NETO2: variants seen among roughly 807,000 people sequenced by gnomAD.
NETO2 encodes neuropilin and tolloid-like protein 2.
In NETO2, 28 loss-of-function variants were observed where a neutral mutation model predicts 62.5. The ratio of observed to expected loss-of-function variants is 0.45; its 90% confidence interval spans 0.33 to 0.61. NETO2 has a LOEUF of 0.61. NETO2 is among the 20% of genes least tolerant of loss of function. The pLI, the probability that NETO2 is intolerant of heterozygous loss-of-function variation, is 0.02. For missense variants in NETO2, 548 were observed against 643.2 expected, an observed-to-expected ratio of 0.85 and a Z score of 1.60; for synonymous variants, 214 against 219.1, an observed-to-expected ratio of 0.98 and a Z score of 0.21.
In NETO2 at chr16:47,143,667, C is replaced by T. The variant is rs998114042; in HGVS notation, c.-55G>A. 28 of 1,216,920 alleles carry T rather than the reference C, an allele frequency of 2.3e-5. No individual in the cohort carries two copies. The highest frequency in any genetic ancestry group is 3.3e-5 in the East Asian group (1 of 30,170). 75.4% of individuals were successfully genotyped at this position (1,216,920 alleles called of 1,614,324 possible). ...GGCTGAGGTAGCGGCGGCGGTGGCT[C>T]GGCGCTCACGGCTCGGCGCGGCGGC... On this transcript the variant is annotated 5_prime_UTR_variant, in exon 1 of 9. Coordinates refer to ENST00000562435, the MANE Select transcript of NETO2 (RefSeq NM_018092.5).
chr16:47,113,076 C>T (rs1005480141), intron 6 of NETO2, among the ~76,000 whole-genome samples: 2 of 152,118 alleles, frequency 1.3e-5, no homozygotes, highest in Admixed American at 6.5e-5. Context: ...TCTTTATGCA[C>T]AGGTATGACG....
rs540877562 is a variant in NETO2 at position 47,113,677 on chromosome 16, C to T, written c.655-3966G>A. On this transcript the variant is annotated intron_variant, in intron 6 of 8. Transcript: ENST00000562435. ...TGCAATCTTGGCTCACTGCAACCTC[C>T]GCCTCAAGGATTCAAGCAATTCTCC... 3.7e-4 allele frequency among the ~76,000 whole-genome samples: 55 copies of T among 150,444 alleles called. 1 individual carries two copies. Among genetic ancestry groups the T allele is most frequent in the Non-Finnish European group, 5.9e-4 (40 of 67,700 alleles).
chr16:47,086,628 A>C (rs1272811789), intron 7 of NETO2, among the ~76,000 whole-genome samples: 1 of 152,060 alleles, frequency 6.6e-6, no homozygotes, highest in African/African-American at 2.4e-5. Flanking sequence ...TTTTTTTCCA[A>C]AACTTTGAAA....
intron 4 of NETO2, 122 bp from the exon 5 acceptor site, chr16:47,123,034 C>G (rs1372927835): frequency 3.9e-5 from 34 of 880,266 alleles, no homozygotes; most frequent in Non-Finnish European, 6.0e-5. Flanking sequence ...TTGGTGAAAA[C>G]TACATATCAT....
intron 7 of NETO2, among the ~76,000 whole-genome samples, chr16:47,087,306 G>A (rs1179725163): frequency 1.3e-5 from 2 of 152,140 alleles, no homozygotes; most frequent in Non-Finnish European, 2.9e-5. Context: ...TTACAGGTGT[G>A]AGCCACCGTG....
intron 1 of NETO2, 102 bp downstream of exon 1, chr16:47,143,477 C>T: frequency 8.5e-7 from 1 of 1,179,988 alleles, no homozygotes; most frequent in African/African-American, 1.6e-5. Flanking sequence ...AGAGGCGCGT[C>T]GGGTCCCGGG....
intron 1 of NETO2, among the ~76,000 whole-genome samples, chr16:47,140,965 T>C (rs3105545): frequency 2.0e-5 from 3 of 152,216 alleles, no homozygotes; most frequent in Non-Finnish European, 2.9e-5. Context: ...AATATTTTCA[T>C]GAGACTATAA....
At chr16:47,105,530 G>GAC (rs981905764) in intron 7 of NETO2, among the ~76,000 whole-genome samples, 1 of 151,898 alleles carries the variant, frequency 6.6e-6, no homozygotes, top group African/African-American at 2.4e-5. Context: ...TACCCAAAAG[G>GAC]ACACTATATC....
chr16:47,136,643 T>C (rs771895655), intron 1 of NETO2, among the ~76,000 whole-genome samples: 23 of 152,102 alleles, frequency 1.5e-4, no homozygotes, highest in Non-Finnish European at 3.2e-4. Context: ...TGGCCTCAAA[T>C]GATCTGCCCG....
chr16:47,114,421 A>T, intron 6 of NETO2, among the ~76,000 whole-genome samples: 3 of 66,870 alleles, frequency 4.5e-5, no homozygotes, highest in East Asian at 4.1e-4. Flanking sequence ...CTTTTTCATT[A>T]GTCCAATTTA....
At chr16:47,102,591 A>AG (rs1963577111) in intron 7 of NETO2, among the ~76,000 whole-genome samples, 3 of 146,530 alleles carry the variant, frequency 2.0e-5, no homozygotes, top group Non-Finnish European at 4.5e-5. Flanking sequence ...CAAATTTACA[A>AG]GAAAAAAAAA....
intron 7 of NETO2, among the ~76,000 whole-genome samples, chr16:47,093,709 A>AAT (rs1963363678): frequency 6.6e-6 from 1 of 152,246 alleles, no homozygotes; most frequent in African/African-American, 2.4e-5. Flanking sequence ...CAGCTATAAG[A>AAT]AAGCCTGTAT....
chr16:47,080,397 T>G lies in NETO2; in HGVS notation c.*2824A>C, dbSNP rs1963043238. 1 of 152,242 alleles carries G rather than the reference T, an allele frequency of 6.6e-6. No homozygotes were observed. Among genetic ancestry groups the G allele is most frequent in the Non-Finnish European group, 1.5e-5 (1 of 68,030 alleles). 9.4% of individuals were successfully genotyped at this position (152,242 alleles called of 1,614,324 possible). A position where few individuals can be genotyped will look rare whatever the true frequency, so the allele number is the denominator to read the frequency against. ...GGGTACCCTGCGTGACAGTTAATAC[T>G]GTGTAATGAATTCCACAAGATTGCT... is the stretch of plus-strand genomic sequence containing the variant. On this transcript the variant is annotated 3_prime_UTR_variant, in exon 9 of 9. Coordinates refer to ENST00000562435, the MANE Select transcript of NETO2 (RefSeq NM_018092.5).
At chr16:47,136,993 C>A (rs1463548059) in intron 1 of NETO2, among the ~76,000 whole-genome samples, 1 of 152,102 alleles carries the variant, frequency 6.6e-6, no homozygotes, top group African/African-American at 2.4e-5. Context: ...CCCAAAAATT[C>A]AGCCTTACAA....
At chr16:47,125,428 C>T (rs1165443574) in intron 4 of NETO2, among the ~76,000 whole-genome samples, 1 of 151,886 alleles carries the variant, frequency 6.6e-6, no homozygotes, top group East Asian at 1.9e-4. Context: ...TCTCTGCAAC[C>T]TCCACCTCCC....
At chr16:47,126,882 G>T (rs1031501128) in intron 4 of NETO2, among the ~76,000 whole-genome samples, 1 of 152,164 alleles carries the variant, frequency 6.6e-6, no homozygotes, top group African/African-American at 2.4e-5. Flanking sequence ...TTTAAAAAGA[G>T]CAGATAAACA....
At position 47,080,377 on chromosome 16, in the gene NETO2, C is replaced by T. The variant is rs1302303347; in HGVS notation, c.*2844G>A. ...CAACACTGGGACACTGTGTGGGGTA[C>T]CCTGCGTGACAGTTAATACTGTGTA... On this transcript the variant is annotated 3_prime_UTR_variant, in exon 9 of 9. Coordinates refer to ENST00000562435, the MANE Select transcript of NETO2 (RefSeq NM_018092.5). 4 of 152,164 alleles carry T rather than the reference C, an allele frequency of 2.6e-5. No individual in the cohort carries two copies. Among genetic ancestry groups the T allele is most frequent in the Non-Finnish European group, 5.9e-5 (4 of 68,020 alleles). The allele number at this position is 152,164 out of a possible 1,614,324, so 9.4% of individuals were successfully genotyped here.
intron 6 of NETO2, among the ~76,000 whole-genome samples, chr16:47,112,603 G>A (rs1026012201): frequency 2.0e-5 from 3 of 151,936 alleles, no homozygotes; most frequent in African/African-American, 2.4e-5. Context: ...CAAGTGATCC[G>A]CCTGCCTCAG....
Position 47,114,439 on chromosome 16 carries a change from C to CTTTTTT in NETO2, c.655-4734_655-4729dup, listed in dbSNP as rs33994080. ...TTTCATTAGTCCAATTTATAAATTT[C>CTTTTTT]TTTTTTTTTTTTTTTTTTTTTTTTT... is the stretch of plus-strand genomic sequence containing the variant. On this transcript the variant is annotated intron_variant, in intron 6 of 8. Transcript: ENST00000562435. Among the ~76,000 whole-genome samples, 233 of 37,940 alleles carry CTTTTTT rather than the reference C, an allele frequency of 6.1e-3. 25 individuals carry two copies. Among genetic ancestry groups the CTTTTTT allele is most frequent in the Non-Finnish European group, 9.0e-3 (178 of 19,752 alleles). The allele number at this position is 37,940 out of a possible 152,430, so 24.9% of individuals were successfully genotyped here.
Sources: gnomAD v4.1 joint callset for allele counts (sites outside exome capture counted in the v4.1 genomes callset) on GRCh38, gnomAD v4.1.1 for gene constraint, MANE v1.5 for transcripts, NCBI Gene and HGNC (gene_info 2026-07-23, HGNC 2026-07-21) for gene names.